The following TOP2B variants were observed in gnomAD, a reference collection of about 807,000 sequenced individuals.
TOP2B encodes DNA topoisomerase II beta.
TOP2B carries 51 observed loss-of-function variants against 193.5 expected under a neutral mutation model. The ratio of observed to expected loss-of-function variants is 0.26; its 90% CI spans 0.21 to 0.33. The LOEUF (loss-of-function observed/expected upper bound fraction) is 0.33, where lower values mean the gene tolerates loss of function less well. Among genes scored for constraint, TOP2B ranks in the 10% least tolerant of loss-of-function variants. The pLI, the probability that TOP2B is intolerant of heterozygous loss-of-function variation, is 1.00. For synonymous variants in TOP2B, 634 were observed against 635.7 expected (o/e 1.00, Z 0.04); for missense variants, 1,378 against 1,909.3 (o/e 0.72, Z 5.19).
chr3:25,635,157 A>G (rs1322270741), intron 7 of TOP2B, among the ~76,000 whole-genome samples: 1 of 152,170 alleles, frequency 6.6e-6, no homozygotes, highest in Non-Finnish European at 1.5e-5. Flanking sequence ...ACAAGAAAGA[A>G]TCTGGAAGTC....
At chr3:25,611,322 G>T (rs1047107226) in intron 28 of TOP2B, among the ~76,000 whole-genome samples, 1 of 152,146 alleles carries the variant, frequency 6.6e-6, no homozygotes, top group East Asian at 1.9e-4. Flanking sequence ...GTGTGCCGTG[G>T]GGAGCCAAGT....
At chr3:25,615,713 G>T in intron 25 of TOP2B, 127 bp from the exon 26 acceptor site, 1 of 805,768 alleles carries the variant, frequency 1.2e-6, no homozygotes, top group Non-Finnish European at 1.7e-6. Context: ...CAGGATGGTG[G>T]GGTTATTTTG....
At chr3:25,610,663 G>C (rs530364575) in intron 28 of TOP2B, among the ~76,000 whole-genome samples, 133 of 152,324 alleles carry the variant, frequency 8.7e-4, no homozygotes, top group Non-Finnish European at 1.2e-3. Flanking sequence ...TGTATACCAA[G>C]AATTTGTGCA....
chr3:25,638,610 C>G (rs1156407246), intron 4 of TOP2B, among the ~76,000 whole-genome samples: 1 of 151,754 alleles, frequency 6.6e-6, no homozygotes, highest in Non-Finnish European at 1.5e-5. Context: ...GCAACATACT[C>G]ATGAGAAAAC....
chr3:25,632,741 TTCAA>T lies in TOP2B; in HGVS notation c.1076_1079del (p.Ile359LysfsTer2). 6.2e-7 allele frequency: 1 copy of T among 1,613,324 alleles called. No homozygotes were observed. The highest frequency in any genetic ancestry group is 8.5e-7 in the Non-Finnish European group (1 of 1,179,446). ...CAGCTTTGTTCTTTTTCTTAACTACTTCAATCAGTTTACCAACAACTTGATCTAC... is the reference window on the plus strand; with the variant it reads ...CAGCTTTGTTCTTTTTCTTAACTACTTCAGTTTACCAACAACTTGATCTAC... On this transcript the variant is annotated frameshift_variant, in exon 9 of 36. Coordinates refer to ENST00000264331, the MANE Select transcript of TOP2B (RefSeq NM_001330700.2). LOFTEE classifies it high-confidence loss of function.
intron 4 of TOP2B, among the ~76,000 whole-genome samples, chr3:25,639,133 CA>C (rs982875043): frequency 1.3e-5 from 2 of 151,922 alleles, no homozygotes; most frequent in African/African-American, 4.8e-5. Context: ...AAGGGAAAGA[CA>C]TAAAATAGTA....
intron 4 of TOP2B, 52 bp from the exon 5 acceptor site, chr3:25,638,362 A>C: frequency 7.3e-7 from 1 of 1,366,816 alleles, no homozygotes; most frequent in South Asian, 1.6e-5. Flanking sequence ...AGCAGAATTT[A>C]GAGCTTAAAA....
At chr3:25,640,531 A>C (rs543556014) in intron 4 of TOP2B, among the ~76,000 whole-genome samples, 3 of 152,292 alleles carry the variant, frequency 2.0e-5, no homozygotes, top group East Asian at 3.9e-4. Context: ...TGACATTAAG[A>C]AGCAAATAAA....
Position 25,632,501 on chromosome 3 carries a change from A to G in TOP2B, c.1211T>C (p.Leu404Pro). Residue 404 changes from leucine (L) to proline (P), a missense_variant, in exon 10 of 36, where the codon CTG becomes CCG. By Grantham distance (98) the Leu-to-Pro change is moderately conservative. Coordinates refer to ENST00000264331, the MANE Select transcript of TOP2B (RefSeq NM_001330700.2). ...TTTAGACCCAAAACTTTTGGGCTGC[A>G]GAGTCATGTTTTCCTTAGTCTGAGA... ...FDSQTKENMT[L>P]QPKSFGSKCQ... 1 of 1,587,466 alleles carries G rather than the reference A, an allele frequency of 6.3e-7. No individual in the cohort carries two copies.
intron 33 of TOP2B, 94 bp from the exon 34 acceptor site, chr3:25,601,319 TA>T: frequency 1.4e-6 from 2 of 1,424,824 alleles, no homozygotes; most frequent in Non-Finnish European, 1.9e-6. Flanking sequence ...TATAGCTGAT[TA>T]GAAACTGAGT....
At chr3:25,615,687 A>G (rs1429840423) in intron 25 of TOP2B, 101 bp from the exon 26 acceptor site, 5 of 1,010,136 alleles carry the variant, frequency 4.9e-6, no homozygotes, top group African/African-American at 1.7e-5. Context: ...GTGCTACACT[A>G]TAAATGCTAC....
intron 4 of TOP2B, among the ~76,000 whole-genome samples, chr3:25,640,516 C>T (rs944130107): frequency 6.6e-6 from 1 of 151,960 alleles, no homozygotes; most frequent in African/African-American, 2.4e-5. Flanking sequence ...AAATTGATAC[C>T]TCATTGACAT....
In TOP2B at chr3:25,664,510, G is replaced by A. The variant is rs1704029863; in HGVS notation, c.-213C>T. 3 of 1,172,636 alleles carry A rather than the reference G, an allele frequency of 2.6e-6. No individual in the cohort carries two copies. The highest frequency in any genetic ancestry group is 3.2e-6 in the Non-Finnish European group (3 of 951,122). The allele number at this position is 1,172,636 out of a possible 1,614,324, so 72.6% of individuals were successfully genotyped here. ...CCGGCTGCCCTCAAACTCGAGGCGC[G>A]GCGTCCGCGTCGCCCGGGCCTAGCG... is the stretch of plus-strand genomic sequence containing the variant. On this transcript the variant is annotated 5_prime_UTR_variant, in exon 1 of 36. Transcript: ENST00000264331.
chr3:25,599,678 T>C, intron 34 of TOP2B, 149 bp from the exon 35 acceptor site: 1 of 703,048 alleles, frequency 1.4e-6, no homozygotes, highest in South Asian at 2.3e-5. Context: ...ATAAACAATT[T>C]GGCAGTAGCA....
intron 1 of TOP2B, among the ~76,000 whole-genome samples, chr3:25,645,744 T>C (rs1703396257): frequency 6.6e-6 from 1 of 151,940 alleles, no homozygotes. Flanking sequence ...CCCAATTCTG[T>C]AAGATATCAA....
At chr3:25,638,754 A>G (rs1575580067) in intron 4 of TOP2B, among the ~76,000 whole-genome samples, 1 of 152,232 alleles carries the variant, frequency 6.6e-6, no homozygotes, top group East Asian at 1.9e-4. Flanking sequence ...CTAAGTCCAT[A>G]TGAGTATGAA....
chr3:25,627,861 G>A (rs1483690952), intron 15 of TOP2B, among the ~76,000 whole-genome samples: 2 of 151,102 alleles, frequency 1.3e-5, no homozygotes, highest in Middle Eastern at 3.2e-3. Flanking sequence ...CTTAAGGCCG[G>A]GACTTCTAGA....
At chr3:25,634,794 AAAAC>A (rs77091157) in intron 7 of TOP2B, among the ~76,000 whole-genome samples, 1 of 127,522 alleles carries the variant, frequency 7.8e-6, no homozygotes, top group African/African-American at 3.1e-5. Context: ...AAAAAAAAAA[AAAAC>A]CAAAAAAAGG....
chr3:25,619,125 C>G (rs1702588712), intron 23 of TOP2B, among the ~76,000 whole-genome samples: 1 of 152,124 alleles, frequency 6.6e-6, no homozygotes, highest in Non-Finnish European at 1.5e-5. Context: ...AAAAAGGGCT[C>G]TTAAAGTAAC....
Sources: gnomAD v4.1 joint callset for allele counts (sites outside exome capture counted in the v4.1 genomes callset) on GRCh38, gnomAD v4.1.1 for gene constraint, MANE v1.5 for transcripts, NCBI Gene and HGNC (gene_info 2026-07-23, HGNC 2026-07-21) for gene names.